Variants in CLIP1 observed in about 807,000 individuals in gnomAD.
CLIP1 encodes CAP-Gly domain containing linker protein 1.
A neutral mutation model predicts 161.6 loss-of-function variants in CLIP1; 66 were observed. That is an observed-to-expected ratio of 0.41 (90% CI 0.33 to 0.50). The LOEUF (loss-of-function observed/expected upper bound fraction) is 0.50, where lower values mean the gene tolerates loss of function less well. CLIP1 is among the 20% of genes least tolerant of loss of function. The probability of loss-of-function intolerance (pLI) is 0.27; values close to 1 mark genes in which losing one functional copy is unlikely to be tolerated. For missense variants in CLIP1, 1,376 were observed against 1,702.0 expected (o/e 0.81, Z 3.37); for synonymous variants, 598 against 626.2 (o/e 0.96, Z 0.67).
intron 20 of CLIP1, among the ~76,000 whole-genome samples, chr12:122,308,416 T>C (rs1950953337): frequency 1.3e-5 from 2 of 152,204 alleles, no homozygotes; most frequent in Non-Finnish European, 2.9e-5. Context: ...TGTTTTAGCT[T>C]GTGCCAGGAA....
chr12:122,380,560 T>TCCTCGGACGCCGCCGGTC lies in CLIP1; in HGVS notation c.-106-3_-106-2insGACCGGCGGCGTCCGAGG. On this transcript the variant is annotated splice_region_variant and splice_polypyrimidine_tract_variant and intron_variant, in intron 1 of 25. Coordinates refer to ENST00000620786, the MANE Select transcript of CLIP1 (RefSeq NM_001247997.2). ...GTGAAGTCAGTCTCTGGATTAAATC[T>TCCTCGGACGCCGCCGGTC]GCAAAGAGAAAGAAATAAAAAGATT... 1 of 588,644 alleles carries TCCTCGGACGCCGCCGGTC rather than the reference T, an allele frequency of 1.7e-6. No homozygotes were observed. 36.5% of individuals were successfully genotyped at this position (588,644 alleles called of 1,614,324 possible).
At chr12:122,364,162 G>GT (rs1348499457) in intron 3 of CLIP1, 55 bp from the exon 4 acceptor site, 6 of 1,606,766 alleles carry the variant, frequency 3.7e-6, no homozygotes, top group Admixed American at 3.3e-5. Context: ...TAGCTTAATC[G>GT]TTTGTGGTCC....
chr12:122,283,501 C>G (rs2071505535), intron 21 of CLIP1, among the ~76,000 whole-genome samples: 1 of 150,364 alleles, frequency 6.7e-6, no homozygotes, highest in African/African-American at 2.4e-5. Flanking sequence ...CTCTGTTGCC[C>G]AGGCTGGAGT....
chr12:122,293,077 C>CA (rs1950322933), intron 20 of CLIP1, among the ~76,000 whole-genome samples: 1 of 147,284 alleles, frequency 6.8e-6, no homozygotes, highest in African/African-American at 2.6e-5. Context: ...TCGCAAAACA[C>CA]AACCCAATAA....
At chr12:122,363,905 G>T in intron 4 of CLIP1, 78 bp downstream of exon 4, 1 of 1,586,552 alleles carries the variant, frequency 6.3e-7, no homozygotes, top group South Asian at 1.1e-5. Context: ...TCCATGTTAT[G>T]ATACACGCTT....
intron 4 of CLIP1, among the ~76,000 whole-genome samples, chr12:122,362,166 A>AACTGGC (rs1953867080): frequency 6.6e-6 from 1 of 150,840 alleles, no homozygotes; most frequent in Admixed American, 6.6e-5. Flanking sequence ...GTTGGCCAGG[A>AACTGGC]TGGTCTCGAA....
At position 122,311,835 on chromosome 12, in the gene CLIP1, G is replaced by A. The variant is rs970226552; in HGVS notation, c.3474-1953C>T. On this transcript the variant is annotated intron_variant, in intron 19 of 25. Coordinates refer to ENST00000620786, the MANE Select transcript of CLIP1 (RefSeq NM_001247997.2). The surrounding 1 kb of genome is among the most constrained non-coding windows in gnomAD (Gnocchi z 4.3). ...GTTTTAATGAGAAGACTGAAGCTCC[G>A]GGAAGTAAACAGATTTGCCCCAAAT... Among the ~76,000 whole-genome samples, 3 of 152,272 alleles carry A rather than the reference G, an allele frequency of 2.0e-5. No individual in the cohort carries two copies. The highest frequency in any genetic ancestry group is 4.4e-5 in the Non-Finnish European group (3 of 68,028).
intron 1 of CLIP1, among the ~76,000 whole-genome samples, chr12:122,385,330 T>C (rs1186243019): frequency 3.3e-5 from 5 of 151,952 alleles, no homozygotes; most frequent in Non-Finnish European, 4.4e-5. Context: ...GCGCTGACAG[T>C]GAAAAGGAGT....
chr12:122,421,069 G>A (rs898162098), intron 1 of CLIP1, among the ~76,000 whole-genome samples: 1 of 149,156 alleles, frequency 6.7e-6, no homozygotes, highest in Non-Finnish European at 1.5e-5. Context: ...GCTGGTAAAA[G>A]GTATTCTGAC....
At chr12:122,406,330 CACAGAG>C (rs1350045183) in intron 1 of CLIP1, among the ~76,000 whole-genome samples, 2 of 152,104 alleles carry the variant, frequency 1.3e-5, no homozygotes, top group Non-Finnish European at 2.9e-5. Context: ...CCTGTGGTCC[CACAGAG>C]TGAGACCTTG....
chr12:122,306,397 CT>C (rs1950875245), intron 20 of CLIP1, among the ~76,000 whole-genome samples: 1 of 152,196 alleles, frequency 6.6e-6, no homozygotes, highest in Non-Finnish European at 1.5e-5. Context: ...CCTCTGTCTT[CT>C]TCTGTAAAAC....
intron 11 of CLIP1, 74 bp from the exon 12 acceptor site, chr12:122,336,822 A>T: frequency 1.6e-6 from 1 of 617,288 alleles, no homozygotes; most frequent in Non-Finnish European, 2.7e-6. Flanking sequence ...AGAAAAAAAT[A>T]AACAAATGTA....
intron 11 of CLIP1, among the ~76,000 whole-genome samples, chr12:122,339,471 G>A (rs890091476): frequency 6.6e-6 from 1 of 152,048 alleles, no homozygotes; most frequent in Non-Finnish European, 1.5e-5. Flanking sequence ...CTGAGTAGCT[G>A]GGACTACAGA....
At chr12:122,278,979 A>C in intron 22 of CLIP1, 37 bp from the exon 23 acceptor site, 1 of 1,605,434 alleles carries the variant, frequency 6.2e-7, no homozygotes, top group Non-Finnish European at 8.5e-7. Flanking sequence ...TGAGGGTTTG[A>C]ACGAAAGGAG....
chr12:122,272,738 C>G lies in CLIP1; in HGVS notation c.*137G>C. On this transcript the variant is annotated 3_prime_UTR_variant, in exon 26 of 26. Transcript: ENST00000620786. ...GACTAAAGGGCAATTTGTTGAAGAT[C>G]AAAATATTTTCCTAGATTTGTTGAC... The G allele has an allele frequency of 1.4e-6, 1 of 724,984 alleles. No homozygotes were observed. The highest frequency in any genetic ancestry group is 2.3e-6 in the Non-Finnish European group (1 of 425,716). 44.9% of individuals were successfully genotyped at this position (724,984 alleles called of 1,614,324 possible).
rs1955532823 is a variant in CLIP1 at position 122,278,765 on chromosome 12, G to A, written c.3916+27C>T. Reference sequence around the variant, plus strand: ...TCCTCGGGAGGACGCGGGGTGTACAGAGAAGCACTGGGCAGGCGCCCTTTA... The same window carrying A: ...TCCTCGGGAGGACGCGGGGTGTACAAAGAAGCACTGGGCAGGCGCCCTTTA... On this transcript the variant is annotated intron_variant, in intron 23 of 25. Transcript: ENST00000620786. The A allele has an allele frequency of 1.9e-6, 3 of 1,561,658 alleles. No homozygotes were observed. In the South Asian group the frequency reaches 3.6e-5, roughly 19 times the overall value.
intron 3 of CLIP1, among the ~76,000 whole-genome samples, chr12:122,375,083 T>C (rs1046729023): frequency 6.6e-6 from 1 of 152,110 alleles, no homozygotes; most frequent in Non-Finnish European, 1.5e-5. Context: ...GAAACAAAGT[T>C]GTTAAATATC....
chr12:122,377,012 T>C (rs1379460726), intron 3 of CLIP1, among the ~76,000 whole-genome samples: 1 of 137,072 alleles, frequency 7.3e-6, no homozygotes, highest in Non-Finnish European at 1.6e-5. Context: ...ATTTCTGGCA[T>C]TTTTTTTTTT....
chr12:122,391,107 G>A (rs561807080), intron 1 of CLIP1, among the ~76,000 whole-genome samples: 1 of 152,216 alleles, frequency 6.6e-6, no homozygotes, highest in South Asian at 2.1e-4. Context: ...GGCCAACATA[G>A]CGAAACCCCG....
Sources: allele counts gnomAD v4.1 joint callset (sites outside exome capture counted in the v4.1 genomes callset), GRCh38; gene constraint gnomAD v4.1.1; non-coding constraint Gnocchi (gnomAD v3.1); transcripts MANE v1.5; gene names NCBI Gene and HGNC (gene_info 2026-07-23, HGNC 2026-07-21).